GPR101: variants seen among roughly 807,000 people sequenced by gnomAD.
The protein encoded by GPR101 is probable G protein-coupled receptor 101.
In GPR101, 8 loss-of-function variants were observed where a neutral mutation model predicts 16.4. That is an observed-to-expected ratio of 0.49 (90% confidence interval 0.29 to 0.88). The LOEUF (loss-of-function observed/expected upper bound fraction) is 0.88, where lower values mean the gene tolerates loss of function less well. GPR101 is among the 40% of genes least tolerant of loss of function. The probability of loss-of-function intolerance (pLI) is 0.09; values close to 1 mark genes in which losing one functional copy is unlikely to be tolerated. For missense variants in GPR101, 375 were observed against 411.7 expected, an observed-to-expected ratio of 0.91 and a Z score of 0.77; for synonymous variants, 155 against 168.7, an observed-to-expected ratio of 0.92 and a Z score of 0.63.
chrX:137,032,165 T>G (rs1206021244), intron 1 of GPR101, among the ~76,000 whole-genome samples: 1 of 111,066 alleles, frequency 9.0e-6, no homozygotes, highest in Non-Finnish European at 1.9e-5. Flanking sequence ...TCTCGGGTTG[T>G]GTGTCTGTAT....
Position 137,026,260 on chromosome X carries a change from AT to A in GPR101, c.*3887del, listed in dbSNP as rs1011651238. ...AGACATTATGAGGGGAAAACACGTT[AT>A]TTTTTTCCTCAAAATATTGGGCAGG... is the stretch of plus-strand genomic sequence containing the variant. On this transcript the variant is annotated 3_prime_UTR_variant, in exon 2 of 2. Transcript: ENST00000651716. 1.8e-5 allele frequency among the ~76,000 whole-genome samples: 2 copies of A among 112,166 alleles called. No individual in the cohort carries two copies. Among genetic ancestry groups the A allele is most frequent in the Non-Finnish European group, 3.8e-5 (2 of 53,235 alleles).
In GPR101 at chrX:137,027,206, G is replaced by A. The variant is rs1927180342; in HGVS notation, c.*2942C>T. On this transcript the variant is annotated 3_prime_UTR_variant, in exon 2 of 2. Coordinates refer to ENST00000651716, the MANE Select transcript of GPR101 (RefSeq NM_054021.2). ...CCTGCGACTTCTTGGCAAACTAGAT[G>A]CTCTATTATTCGTAAATAAGGAAAA... Among the ~76,000 whole-genome samples the A allele has an allele frequency of 1.9e-5, 2 of 106,027 alleles. No individual in the cohort carries two copies. The highest frequency in any genetic ancestry group is 3.9e-5 in the Non-Finnish European group (2 of 51,915). 92.1% of individuals were successfully genotyped at this position (106,027 alleles called of 115,157 possible). A position where few individuals can be genotyped will look rare whatever the true frequency, so the allele number is the denominator to read the frequency against.
Position 137,025,964 on chromosome X carries a change from G to A in GPR101, c.*4184C>T, listed in dbSNP as rs1460143423. On this transcript the variant is annotated 3_prime_UTR_variant, in exon 2 of 2. Transcript: ENST00000651716. ...TAGACTATCGCATTTGCTGTTTCCA[G>A]CTCATTGCTTCTGTCTCCTCATGCC... Among the ~76,000 whole-genome samples, 3 of 112,528 alleles carry A rather than the reference G, an allele frequency of 2.7e-5. No individual in the cohort carries two copies. Among genetic ancestry groups the A allele is most frequent in the African/African-American group, 9.7e-5 (3 of 30,958 alleles).
Position 137,030,821 on chromosome X carries a change from T to C in GPR101, c.854A>G (p.Lys285Arg), listed in dbSNP as rs752356319. 1 of 1,211,695 alleles carries C rather than the reference T, an allele frequency of 8.3e-7. No homozygotes were observed. The highest frequency in any genetic ancestry group is 1.1e-6 in the Non-Finnish European group (1 of 895,484). ...GRMEAKDGSL[K>R]AKEGSTGTSE... Reference sequence around the variant, plus strand: ...GGTCCCCGTGCTTCCTTCCTTGGCCTTCAGGCTGCCGTCCTTGGCTTCCAT... The same window carrying C: ...GGTCCCCGTGCTTCCTTCCTTGGCCCTCAGGCTGCCGTCCTTGGCTTCCAT... The change falls in exon 2 of 2, where the codon AAG becomes AGG. Residue 285 changes from lysine to arginine, a missense_variant. Lys to Arg is a conservative substitution (Grantham distance 26). Coordinates refer to ENST00000651716, the MANE Select transcript of GPR101 (RefSeq NM_054021.2).
chrX:137,025,432 C>T lies in GPR101; in HGVS notation c.*4716G>A, dbSNP rs1927156826. 8.9e-6 allele frequency among the ~76,000 whole-genome samples: 1 copy of T among 112,429 alleles called. No individual in the cohort carries two copies. The highest frequency in any genetic ancestry group is 1.9e-5 in the Non-Finnish European group (1 of 53,269). On this transcript the variant is annotated 3_prime_UTR_variant, in exon 2 of 2. Transcript: ENST00000651716. Reference sequence around the variant, plus strand: ...AGAATTACTACAAAAAATACTACATCACTAAAGATGAAAATACCAAACTTT... The same window carrying T: ...AGAATTACTACAAAAAATACTACATTACTAAAGATGAAAATACCAAACTTT...
rs1927195728 is a variant in GPR101 at position 137,028,180 on chromosome X, C to T, written c.*1968G>A. On this transcript the variant is annotated 3_prime_UTR_variant, in exon 2 of 2. Transcript: ENST00000651716. The stretch of plus-strand genomic sequence containing the variant: ...GTAAACTTTAGCCCCCATGCCTTGT[C>T]TGAATAACTACAAGTTCCAAATTAA... Among the ~76,000 whole-genome samples, 2 of 112,183 alleles carry T rather than the reference C, an allele frequency of 1.8e-5. No homozygotes were observed. The highest frequency in any genetic ancestry group is 7.4e-4 in the South Asian group (2 of 2,688).
At position 137,030,486 on chromosome X, in the gene GPR101, C is replaced by T; in HGVS notation, c.1189G>A (p.Ala397Thr). The T allele has an allele frequency of 8.3e-7, 1 of 1,211,131 alleles. No individual in the cohort carries two copies. The highest frequency in any genetic ancestry group is 1.1e-6 in the Non-Finnish European group (1 of 895,196). Residue 397 changes from alanine to threonine, a missense_variant, in exon 2 of 2, where the codon GCT (alanine) becomes ACT (threonine). Physicochemically the swap from Ala to Thr is moderately conservative, Grantham distance 58 (BLOSUM62 0). Transcript: ENST00000651716. ...PPLPRCYQCK[A>T]AKVIFIIIFS... ...ATGATGATGAAGATCACTTTAGCAGCTTTGCACTGGTAGCACCTGGGCAGA... is the reference window on the plus strand; with the variant it reads ...ATGATGATGAAGATCACTTTAGCAGTTTTGCACTGGTAGCACCTGGGCAGA...
At position 137,024,530 on chromosome X, in the gene GPR101, G is replaced by T. The variant is rs1230480776; in HGVS notation, c.*5618C>A. On this transcript the variant is annotated 3_prime_UTR_variant, in exon 2 of 2. Transcript: ENST00000651716. ...AAGGCAGTTTTAAAAACAATTTAAT[G>T]AGGGTATATATAGTTTTTTAGTTGT... Among the ~76,000 whole-genome samples, 1 of 112,294 alleles carries T rather than the reference G, an allele frequency of 8.9e-6. No homozygotes were observed. The highest frequency in any genetic ancestry group is 1.9e-5 in the Non-Finnish European group (1 of 53,316).
In GPR101 at chrX:137,030,751, C is replaced by T. The variant is rs73637412; in HGVS notation, c.924G>A (p.Glu308=). 1,208 of 1,209,167 alleles carry T rather than the reference C, an allele frequency of 1.0e-3. 11 individuals carry two copies. In the African/African-American group the frequency reaches 0.019, roughly 19 times the overall value. The change falls in exon 2 of 2, where the codon GAG becomes GAA. Residue 308 remains glutamate, a synonymous_variant. Transcript: ENST00000651716. ...TGCCGTCGCTGGCCACCGTGCTGCT[C>T]TCTCTGACCTCCTCGCTGCCCCTGG... is the stretch of plus-strand genomic sequence containing the variant. The part of the protein sequence containing the change: ...VEARGSEEVR[E]SSTVASDGSM...
chrX:137,024,653 G>A lies in GPR101; in HGVS notation c.*5495C>T, dbSNP rs1210781548. Among the ~76,000 whole-genome samples, 1 of 109,863 alleles carries A rather than the reference G, an allele frequency of 9.1e-6. No individual in the cohort carries two copies. The highest frequency in any genetic ancestry group is 3.3e-5 in the African/African-American group (1 of 30,102). Reference sequence around the variant, plus strand: ...TACAGTACTGTAACTATCAAACACCGTAGCTGTGACCCCATAGAGGAGTCC... The same window carrying A: ...TACAGTACTGTAACTATCAAACACCATAGCTGTGACCCCATAGAGGAGTCC... On this transcript the variant is annotated 3_prime_UTR_variant, in exon 2 of 2. Transcript: ENST00000651716.
At position 137,031,120 on chromosome X, in the gene GPR101, G is replaced by C; in HGVS notation, c.555C>G (p.Ile185Met). 8.3e-7 allele frequency: 1 copy of C among 1,212,060 alleles called. No individual in the cohort carries two copies. Residue 185 changes from isoleucine to methionine, a missense_variant, in exon 2 of 2, where the codon ATC (isoleucine) becomes ATG (methionine). Transcript: ENST00000651716. ...FDERNALCSM[I>M]WGASPSYTIL... is the part of the protein sequence containing the mutation. ...TAGTGTAGCTGGGGCTGGCCCCCCA[G>C]ATCATGGAGCAGAGAGCATTGCGCT...
At position 137,029,393 on chromosome X, in the gene GPR101, A is replaced by T. The variant is rs1267711175; in HGVS notation, c.*755T>A. ...TGTGTCAATTGACAATTTACACTTAATGACCTCAGTTCCAGCCCATGCATA... is the reference window on the plus strand; with the variant it reads ...TGTGTCAATTGACAATTTACACTTATTGACCTCAGTTCCAGCCCATGCATA... On this transcript the variant is annotated 3_prime_UTR_variant, in exon 2 of 2. Coordinates refer to ENST00000651716, the MANE Select transcript of GPR101 (RefSeq NM_054021.2). Among the ~76,000 whole-genome samples the T allele has an allele frequency of 8.9e-6, 1 of 112,226 alleles. No individual in the cohort carries two copies. The highest frequency in any genetic ancestry group is 1.9e-5 in the Non-Finnish European group (1 of 53,268).
At position 137,026,267 on chromosome X, in the gene GPR101, T is replaced by C. The variant is rs1927166530; in HGVS notation, c.*3881A>G. Among the ~76,000 whole-genome samples the C allele has an allele frequency of 8.9e-6, 1 of 112,325 alleles. No homozygotes were observed. Among genetic ancestry groups the C allele is most frequent in the Admixed American group, 9.4e-5 (1 of 10,617 alleles). ...ATGAGGGGAAAACACGTTATTTTTT[T>C]CCTCAAAATATTGGGCAGGGTGGTT... On this transcript the variant is annotated 3_prime_UTR_variant, in exon 2 of 2. Coordinates refer to ENST00000651716, the MANE Select transcript of GPR101 (RefSeq NM_054021.2).
rs944215511 is a variant in GPR101 at position 137,028,718 on chromosome X, T to C, written c.*1430A>G. ...ATGCCCTCAGAAATGTATATGTATA[T>C]CCCTGCCCAAAGTTATTTTGCGGTT... On this transcript the variant is annotated 3_prime_UTR_variant, in exon 2 of 2. Coordinates refer to ENST00000651716, the MANE Select transcript of GPR101 (RefSeq NM_054021.2). Among the ~76,000 whole-genome samples, 12 of 112,416 alleles carry C rather than the reference T, an allele frequency of 1.1e-4. No homozygotes were observed. Among genetic ancestry groups the C allele is most frequent in the Non-Finnish European group, 1.7e-4 (9 of 53,215 alleles).
intron 1 of GPR101, among the ~76,000 whole-genome samples, chrX:137,032,217 A>T (rs1927281749): frequency 9.4e-6 from 1 of 106,214 alleles, no homozygotes; most frequent in Non-Finnish European, 1.9e-5. Context: ...CTTGTCTCTC[A>T]CTTATGTCTG....
chrX:137,028,578 T>C lies in GPR101; in HGVS notation c.*1570A>G, dbSNP rs2148743588. On this transcript the variant is annotated 3_prime_UTR_variant, in exon 2 of 2. Transcript: ENST00000651716. ...TCCACCCATATTGACAGTGGATTTC[T>C]GCATGAACAGTTGGTTGACTCTGGA... is the stretch of plus-strand genomic sequence containing the variant. Among the ~76,000 whole-genome samples the C allele has an allele frequency of 8.9e-6, 1 of 112,496 alleles. No individual in the cohort carries two copies. The highest frequency in any genetic ancestry group is 9.4e-5 in the Admixed American group (1 of 10,686).
chrX:137,031,949 G>A (rs1009231297), intron 1 of GPR101, among the ~76,000 whole-genome samples, 183 bp from the exon 2 acceptor site: 1 of 111,219 alleles, frequency 9.0e-6, no homozygotes, highest in African/African-American at 3.3e-5. Flanking sequence ...TCTCTCCAGG[G>A]CTCTGATTTC....
rs1209653403 is a variant in GPR101, at chrX:137,024,907, T to C, written c.*5241A>G. Among the ~76,000 whole-genome samples, 1 of 112,238 alleles carries C rather than the reference T, an allele frequency of 8.9e-6. No homozygotes were observed. ...TCTTTTCGTCCTGCTAACTGGACTC[T>C]ACTTGCCTATCCTGGAGTCCTTCCT... On this transcript the variant is annotated 3_prime_UTR_variant, in exon 2 of 2. Transcript: ENST00000651716.
chrX:137,031,753 A>G lies in GPR101; in HGVS notation c.-79T>C. ...GGTGGCAAAGGGGTGCACAGACCGC[A>G]CTCAGTGCCTATGCTGGTGACAAAA... On this transcript the variant is annotated 5_prime_UTR_variant, in exon 2 of 2. Transcript: ENST00000651716. 1 of 807,554 alleles carries G rather than the reference A, an allele frequency of 1.2e-6. No individual in the cohort carries two copies. The allele number at this position is 807,554 out of a possible 1,213,427, so 66.6% of individuals were successfully genotyped here.
Sources: allele counts gnomAD v4.1 joint callset (sites outside exome capture counted in the v4.1 genomes callset), GRCh38; gene constraint gnomAD v4.1.1; transcripts MANE v1.5; gene names NCBI Gene and HGNC (gene_info 2026-07-23, HGNC 2026-07-21).